Variants in CLUAP1 observed in about 807,000 individuals in gnomAD.
CLUAP1 encodes intraflagellar transport 38.
A neutral mutation model predicts 55.0 loss-of-function variants in CLUAP1; 50 were observed. The ratio of observed to expected loss-of-function variants is 0.91; its 90% CI spans 0.72 to 1.15. CLUAP1 has a LOEUF of 1.15. Ranked by LOEUF, CLUAP1 falls within the 50% of genes most tolerant of loss-of-function variation. The pLI is 0.00. For missense variants in CLUAP1, 530 were observed against 507.6 expected, an observed-to-expected ratio of 1.04 and a Z score of -0.42; for synonymous variants, 195 against 175.4, an observed-to-expected ratio of 1.11 and a Z score of -0.88.
At chr16:3,521,166 A>AG (rs1374370209) in intron 7 of CLUAP1, among the ~76,000 whole-genome samples, 12 of 150,370 alleles carry the variant, frequency 8.0e-5, no homozygotes, top group African/African-American at 2.5e-4. Flanking sequence ...AGCCTCAGAG[A>AG]GGGAAAAAAA....
chr16:3,529,298 T>C (rs966411340), intron 9 of CLUAP1, among the ~76,000 whole-genome samples: 11 of 145,828 alleles, frequency 7.5e-5, no homozygotes, highest in Non-Finnish European at 1.6e-4. Flanking sequence ...TTGTAGATTT[T>C]TTTTCCAAAT....
intron 6 of CLUAP1, among the ~76,000 whole-genome samples, chr16:3,518,175 A>G (rs866174729): frequency 1.3e-5 from 2 of 152,232 alleles, no homozygotes; most frequent in South Asian, 4.1e-4. Flanking sequence ...GTGTTGTACA[A>G]CAGGTTTTCC....
At chr16:3,520,651 A>G (rs762472095) in intron 7 of CLUAP1, among the ~76,000 whole-genome samples, 2 of 152,178 alleles carry the variant, frequency 1.3e-5, no homozygotes, top group South Asian at 4.1e-4. Flanking sequence ...AGACGGGGAA[A>G]TCCAGACGTG....
chr16:3,533,441 C>T, intron 11 of CLUAP1: 1 of 455,734 alleles, frequency 2.2e-6, no homozygotes, highest in East Asian at 4.0e-5. Context: ...ACCAACCCCC[C>T]TCCCTGTTCT....
intron 3 of CLUAP1, among the ~76,000 whole-genome samples, chr16:3,507,584 A>G (rs1272154353): frequency 6.6e-6 from 1 of 151,348 alleles, no homozygotes; most frequent in Non-Finnish European, 1.5e-5. Context: ...AATTAAAAAC[A>G]TTATGAAACA....
At chr16:3,495,860 C>T in the CLUAP1 span, among the ~76,000 whole-genome samples, 632 of 152,216 alleles carry the variant, frequency 4.2e-3, 3 homozygotes, top group African/African-American at 0.014. Context: ...AATCCCAGCA[C>T]TGTGGGAGGC....
upstream of CLUAP1, among the ~76,000 whole-genome samples, chr16:3,497,253 T>A (rs1046973221): frequency 6.6e-6 from 1 of 151,268 alleles, no homozygotes; most frequent in African/African-American, 2.4e-5. Flanking sequence ...TTTTCAGAGC[T>A]AATGAAGTTC....
intron 1 of CLUAP1, 100 bp from the exon 2 acceptor site, chr16:3,504,620 A>G (rs1949610580): frequency 5.4e-6 from 4 of 740,152 alleles, no homozygotes; most frequent in Admixed American, 2.0e-5. Flanking sequence ...AAAGCTGTCA[A>G]TAGGTTGGAA....
intron 9 of CLUAP1, among the ~76,000 whole-genome samples, chr16:3,529,465 A>ATATATTATATTATATATTATATATAAT (rs1567439297): frequency 1.4e-5 from 1 of 73,732 alleles, no homozygotes; most frequent in Non-Finnish European, 2.3e-5. Context: ...TATATATAAT[A>ATATATTATATTATATATTATATATAAT]TATATTATAT....
In CLUAP1 at chr16:3,508,348, G is replaced by C; in HGVS notation, c.279G>C (p.Ala93=). ...TKKLYQADGY[A]VKELLKITSV... is the part of the protein sequence containing the mutation. ...AGCTTTATCAAGCAGATGGGTATGC[G>C]GTAAAAGAGCTGCTGAAGATCACAT... is the stretch of plus-strand genomic sequence containing the variant. Residue 93 remains alanine, a synonymous_variant, in exon 4 of 12, where the codon GCG becomes GCC. Transcript: ENST00000576634. The C allele has an allele frequency of 6.2e-7, 1 of 1,609,732 alleles. No individual in the cohort carries two copies. Among genetic ancestry groups the C allele is most frequent in the Non-Finnish European group, 8.5e-7 (1 of 1,178,834 alleles).
chr16:3,508,238 A>T (rs2037546325), intron 3 of CLUAP1, 51 bp from the exon 4 acceptor site: 1 of 1,518,168 alleles, frequency 6.6e-7, no homozygotes, highest in Non-Finnish European at 8.9e-7. Context: ...TTTAGTTTAG[A>T]CATTACATGG....
chr16:3,495,759 A>C, the CLUAP1 span, among the ~76,000 whole-genome samples: 1 of 152,030 alleles, frequency 6.6e-6, no homozygotes, highest in Non-Finnish European at 1.5e-5. Flanking sequence ...CTGGGGTGGG[A>C]AATGAGGGTT....
rs558756675 is a variant in CLUAP1 at position 3,537,393 on chromosome 16, G to T, written c.*1122G>T. ...TTTAATATGAAAAGTACTTAGCTGG[G>T]AGTGGTGGCAAGCGCCCTTGGGTCC... On this transcript the variant is annotated 3_prime_UTR_variant, in exon 12 of 12. Transcript: ENST00000576634. 2.6e-5 allele frequency: 4 copies of T among 152,038 alleles called. No homozygotes were observed. The South Asian group carries it at 8.3e-4, about 32-fold the overall frequency. 9.4% of individuals were successfully genotyped at this position (152,038 alleles called of 1,614,324 possible). A position where few individuals can be genotyped will look rare whatever the true frequency, so the allele number is the denominator to read the frequency against.
In CLUAP1 at chr16:3,512,334, T is replaced by TA. The variant is rs530355185; in HGVS notation, c.400-43dup. ...AACATAGCCAAGACCCTGTCTCTAT[T>TA]AAAAAACATCTGTTGCTGAGGTTTC... On this transcript the variant is annotated intron_variant, in intron 4 of 11. Transcript: ENST00000576634. The TA allele has an allele frequency of 3.9e-4, 560 of 1,446,090 alleles. No homozygotes were observed. In the African/African-American group the frequency reaches 6.8e-3, roughly 18 times the overall value. The allele number at this position is 1,446,090 out of a possible 1,614,324, so 89.6% of individuals were successfully genotyped here.
At chr16:3,526,550 T>G (rs552287335) in intron 9 of CLUAP1, 66 bp downstream of exon 9, 157 of 963,224 alleles carry the variant, frequency 1.6e-4, no homozygotes, top group Admixed American at 2.8e-4. Flanking sequence ...GAAATATATA[T>G]AGAGAGATAT....
upstream of CLUAP1, among the ~76,000 whole-genome samples, chr16:3,499,968 T>G (rs1189056923): frequency 2.6e-5 from 4 of 152,246 alleles, no homozygotes; most frequent in Admixed American, 2.6e-4. Context: ...CCCCTCTGCT[T>G]TAACCCAAAG....
At chr16:3,507,726 AAAT>A (rs2037537317) in intron 3 of CLUAP1, among the ~76,000 whole-genome samples, 1 of 137,320 alleles carries the variant, frequency 7.3e-6, no homozygotes, top group Admixed American at 7.3e-5. Flanking sequence ...GTGCAAATAA[AAAT>A]ATATATTTTT....
At chr16:3,525,160 A>G (rs542736155) in intron 8 of CLUAP1, among the ~76,000 whole-genome samples, 2 of 152,310 alleles carry the variant, frequency 1.3e-5, no homozygotes, top group East Asian at 3.9e-4. Flanking sequence ...ATGGTACGGG[A>G]CAGGCACATT....
intron 1 of CLUAP1, among the ~76,000 whole-genome samples, chr16:3,501,799 A>AAAAC (rs374915227): frequency 6.6e-6 from 1 of 151,942 alleles, no homozygotes; most frequent in South Asian, 2.1e-4. Flanking sequence ...CAAAAAAAAA[A>AAAAC]CAACCAGCAA....
Sources: gnomAD v4.1 joint callset for allele counts (sites outside exome capture counted in the v4.1 genomes callset) on GRCh38, gnomAD v4.1.1 for gene constraint, MANE v1.5 for transcripts, NCBI Gene and HGNC (gene_info 2026-07-23, HGNC 2026-07-21) for gene names.